The following SHTN1 variants were observed in gnomAD, a reference collection of about 807,000 sequenced individuals.
SHTN1 encodes shootin 1.
In SHTN1, 42 loss-of-function variants were observed where a neutral mutation model predicts 83.1. The ratio of observed to expected loss-of-function variants is 0.51; its 90% confidence interval spans 0.39 to 0.65. The LOEUF (loss-of-function observed/expected upper bound fraction) is 0.65. Among genes scored for constraint, SHTN1 ranks in the 30% least tolerant of loss-of-function variants. The pLI, the probability that SHTN1 is intolerant of heterozygous loss-of-function variation, is 0.00. For missense variants in SHTN1, 622 were observed against 737.8 expected, an observed-to-expected ratio of 0.84 and a Z score of 1.82; for synonymous variants, 224 against 247.7, an observed-to-expected ratio of 0.90 and a Z score of 0.90.
At chr10:116,932,445 T>C (rs941104940) in intron 9 of SHTN1, among the ~76,000 whole-genome samples, 6 of 152,126 alleles carry the variant, frequency 3.9e-5, no homozygotes, top group Non-Finnish European at 7.3e-5. Flanking sequence ...GGTGGTACAG[T>C]TTCATCCCAA....
rs375498439 is a variant in SHTN1 at position 116,983,551 on chromosome 10, G to A, written c.59-4243C>T. Among the ~76,000 whole-genome samples the A allele has an allele frequency of 5.9e-5, 9 of 152,094 alleles. No homozygotes were observed. In the South Asian group the frequency reaches 1.2e-3, roughly 21 times the overall value. ...CTGGCTACACATTAAAATCACCTGC[G>A]GGGCTTTTAAATCATATAGATGCCT... On this transcript the variant is annotated intron_variant, in intron 1 of 16. Transcript: ENST00000355371.
At chr10:117,037,359 C>T (rs932928804) in intron 2 of SHTN1, among the ~76,000 whole-genome samples, 1 of 152,016 alleles carries the variant, frequency 6.6e-6, no homozygotes, top group Non-Finnish European at 1.5e-5. Flanking sequence ...ATAAATCTAA[C>T]AAAATATGTA....
chr10:116,909,181 G>T (rs756269972), intron 14 of SHTN1, among the ~76,000 whole-genome samples: 2 of 152,076 alleles, frequency 1.3e-5, no homozygotes, highest in Non-Finnish European at 2.9e-5. Flanking sequence ...TCATTGATAG[G>T]GCTGGATCTA....
intron 1 of SHTN1, among the ~76,000 whole-genome samples, chr10:116,991,880 G>A (rs999750259): frequency 1.3e-5 from 2 of 152,116 alleles, no homozygotes; most frequent in East Asian, 1.9e-4. Flanking sequence ...TATGGCTCAC[G>A]TCTGTAATCC....
intron 1 of SHTN1, among the ~76,000 whole-genome samples, chr10:116,980,945 G>C (rs553643398): frequency 6.6e-6 from 1 of 152,290 alleles, no homozygotes; most frequent in Admixed American, 6.5e-5. Context: ...TTTTATTGAA[G>C]CCACATCCCA....
chr10:117,083,854 G>C (rs1853309291), intron 1 of SHTN1, among the ~76,000 whole-genome samples: 1 of 151,880 alleles, frequency 6.6e-6, no homozygotes, highest in Non-Finnish European at 1.5e-5. Flanking sequence ...TGAGGCTTCT[G>C]CATTCTTCAC....
intron 1 of SHTN1, among the ~76,000 whole-genome samples, chr10:116,983,695 C>A (rs4993924): frequency 0.04 from 597 of 14,928 alleles, 7 homozygotes; most frequent in East Asian, 0.21. Context: ...TAAATACATA[C>A]ATACATACAT....
At position 116,948,903 on chromosome 10, in the gene SHTN1, T is replaced by G. The variant is rs1849679869; in HGVS notation, c.616+13A>C. 1 of 1,519,056 alleles carries G rather than the reference T, an allele frequency of 6.6e-7. No homozygotes were observed. Among genetic ancestry groups the G allele is most frequent in the African/African-American group, 1.4e-5 (1 of 71,172 alleles). The allele number at this position is 1,519,056 out of a possible 1,614,324, so 94.1% of individuals were successfully genotyped here. Reference sequence around the variant, plus strand: ...GCATACGTATTTGAGAAAAAAAGACTGGACAGACTTACCTCTATTGCATTT... The same window carrying G: ...GCATACGTATTTGAGAAAAAAAGACGGGACAGACTTACCTCTATTGCATTT... On this transcript the variant is annotated intron_variant, in intron 7 of 16. Coordinates refer to ENST00000355371, the MANE Select transcript of SHTN1 (RefSeq NM_001127211.3).
At chr10:117,011,113 A>G (rs889554635) in intron 2 of SHTN1, among the ~76,000 whole-genome samples, 3 of 152,244 alleles carry the variant, frequency 2.0e-5, no homozygotes, top group Admixed American at 1.3e-4. Flanking sequence ...GGAAAGGAGG[A>G]CGTAAAGCTA....
chr10:116,989,666 C>T (rs1851348579), intron 1 of SHTN1, among the ~76,000 whole-genome samples: 1 of 152,204 alleles, frequency 6.6e-6, no homozygotes, highest in East Asian at 1.9e-4. Context: ...CATTTACCTT[C>T]CCACATTTTC....
At chr10:117,022,617 T>C (rs1302647737) in intron 2 of SHTN1, among the ~76,000 whole-genome samples, 1 of 152,190 alleles carries the variant, frequency 6.6e-6, no homozygotes, top group Non-Finnish European at 1.5e-5. Context: ...AAGTGTTTCA[T>C]TAATATCTTA....
At chr10:116,901,111 G>A (rs1358284742) in intron 16 of SHTN1, 1 of 985,158 alleles carries the variant, frequency 1.0e-6, no homozygotes, top group Non-Finnish European at 1.2e-6. Flanking sequence ...TGACAAACTA[G>A]CTGACATCCT....
chr10:116,908,006 A>G (rs764987688), intron 14 of SHTN1: 6 of 463,818 alleles, frequency 1.3e-5, no homozygotes, highest in Non-Finnish European at 2.6e-5. Flanking sequence ...AGCATGTAAA[A>G]CAAAAAAAAG....
chr10:117,056,112 T>C (rs752566075), intron 1 of SHTN1, among the ~76,000 whole-genome samples: 1 of 152,116 alleles, frequency 6.6e-6, no homozygotes, highest in African/African-American at 2.4e-5. Flanking sequence ...CAGGCCCAGA[T>C]AGCTTCACTA....
chr10:116,903,862 A>G (rs947744874), intron 15 of SHTN1, among the ~76,000 whole-genome samples: 2 of 152,204 alleles, frequency 1.3e-5, no homozygotes, highest in African/African-American at 4.8e-5. Context: ...CATTTTAAAA[A>G]ATGTACACCG....
chr10:117,006,565 C>CAA (rs35193104), upstream of SHTN1, among the ~76,000 whole-genome samples: 44 of 92,608 alleles, frequency 4.8e-4, no homozygotes, highest in African/African-American at 7.6e-4. Context: ...GACTCCGTCT[C>CAA]AAAAAAAAAA....
At chr10:117,120,872 C>T (rs189525942) in intron 1 of SHTN1, among the ~76,000 whole-genome samples, 12 of 150,430 alleles carry the variant, frequency 8.0e-5, no homozygotes, top group East Asian at 4.0e-4. Flanking sequence ...TACAGTGGCA[C>T]GATCTCAGCT....
At position 116,954,081 on chromosome 10, in the gene SHTN1, C is replaced by T. The variant is rs140946996; in HGVS notation, c.397G>A (p.Glu133Lys). The T allele has an allele frequency of 5.8e-5, 94 of 1,613,162 alleles. No individual in the cohort carries two copies. Among genetic ancestry groups the T allele is most frequent in the Non-Finnish European group, 7.3e-5 (86 of 1,179,814 alleles). Residue 133 changes from glutamate (E) to lysine (K), a missense_variant, in exon 5 of 17, where the codon GAG becomes AAG. Glu to Lys is a moderately conservative substitution (Grantham distance 56). Coordinates refer to ENST00000355371, the MANE Select transcript of SHTN1 (RefSeq NM_001127211.3). ...TGACACTGTACTGAGACACAAGTCT[C>T]GGCGGCACCGTCTGTGTCTGTAGTC... is the stretch of plus-strand genomic sequence containing the variant. ...DSTTDTDGAA[E>K]TCVSVQCQKQ... is the part of the protein sequence containing the mutation.
chr10:116,981,698 T>G (rs1851024979), intron 1 of SHTN1, among the ~76,000 whole-genome samples: 1 of 152,186 alleles, frequency 6.6e-6, no homozygotes, highest in Non-Finnish European at 1.5e-5. Flanking sequence ...AAACCAAAAT[T>G]TATTTAATGT....
Sources: allele counts gnomAD v4.1 joint callset (sites outside exome capture counted in the v4.1 genomes callset), GRCh38; gene constraint gnomAD v4.1.1; transcripts MANE v1.5; gene names NCBI Gene and HGNC (gene_info 2026-07-23, HGNC 2026-07-21).